Variants in FAF1 observed in about 807,000 individuals in gnomAD.
The protein encoded by FAF1 is FAS-associated factor 1.
A neutral mutation model predicts 92.5 loss-of-function variants in FAF1; 25 were observed. The observed-to-expected ratio is 0.27, with a 90% confidence interval of 0.20 to 0.38. FAF1 has a LOEUF of 0.38. Ranked by LOEUF, FAF1 falls within the 10% of genes least tolerant of loss-of-function variation. The pLI is 1.00. For synonymous variants in FAF1, 234 were observed against 273.2 expected, an observed-to-expected ratio of 0.86 and a Z score of 1.42; for missense variants, 636 against 793.3, an observed-to-expected ratio of 0.80 and a Z score of 2.38.
intron 2 of FAF1, among the ~76,000 whole-genome samples, chr1:50,811,113 T>C (rs769264090): frequency 3.2e-4 from 49 of 152,056 alleles, no homozygotes; most frequent in African/African-American, 1.0e-3. Context: ...GGCAAGAGGA[T>C]TGCTTGAGCT....
chr1:50,447,059 A>C (rs1646235411), intron 18 of FAF1, among the ~76,000 whole-genome samples: 1 of 150,224 alleles, frequency 6.7e-6, no homozygotes. Flanking sequence ...TACAGGCTTT[A>C]GGTTCAATAT....
chr1:50,659,505 T>A (rs1034289671), intron 7 of FAF1, among the ~76,000 whole-genome samples: 3 of 152,174 alleles, frequency 2.0e-5, no homozygotes, highest in Admixed American at 6.5e-5. Flanking sequence ...TGACGGAGTT[T>A]CATCTTTAGA....
In FAF1 at chr1:50,738,439, G is replaced by A. The variant is rs905960576; in HGVS notation, c.551+424C>T. 7.1e-5 allele frequency among the ~76,000 whole-genome samples: 8 copies of A among 111,894 alleles called. No individual in the cohort carries two copies. The South Asian group carries it at 8.3e-4, about 12-fold the overall frequency. 73.4% of individuals were successfully genotyped at this position (111,894 alleles called of 152,430 possible). ...GTCTGGGCAACAAGAGTGAAACTCCGTCGCAAAAAAAAAAAAAAAAAAAAA... is the reference window on the plus strand; with the variant it reads ...GTCTGGGCAACAAGAGTGAAACTCCATCGCAAAAAAAAAAAAAAAAAAAAA... On this transcript the variant is annotated intron_variant, in intron 6 of 18. Coordinates refer to ENST00000396153, the MANE Select transcript of FAF1 (RefSeq NM_007051.3).
chr1:50,903,984 G>T (rs1364532696), intron 1 of FAF1, among the ~76,000 whole-genome samples: 2 of 152,074 alleles, frequency 1.3e-5, no homozygotes, highest in Non-Finnish European at 2.9e-5. Context: ...ATTAAATTTA[G>T]AATTAACATA....
At chr1:50,578,243 T>C (rs1650842793) in intron 12 of FAF1, among the ~76,000 whole-genome samples, 1 of 152,192 alleles carries the variant, frequency 6.6e-6, no homozygotes, top group African/African-American at 2.4e-5. Flanking sequence ...TCTGTTGCCC[T>C]GGTAAAATTA....
chr1:50,662,129 T>C (rs1051134094), intron 7 of FAF1, among the ~76,000 whole-genome samples: 2 of 152,202 alleles, frequency 1.3e-5, no homozygotes, highest in African/African-American at 4.8e-5. Context: ...TTCTTCTCAT[T>C]AACCATTAAA....
At position 50,438,022 on chromosome 1, in the gene FAF1, CAAAAAAAAAA is replaced by C. The variant is rs869236089; in HGVS notation, c.*3408_*3417del. The C allele has an allele frequency of 9.5e-5, 4 of 42,190 alleles. No homozygotes were observed. Among genetic ancestry groups the C allele is most frequent in the East Asian group, 1.0e-3 (1 of 988 alleles). 2.6% of individuals were successfully genotyped at this position (42,190 alleles called of 1,614,324 possible). A position where few individuals can be genotyped will look rare whatever the true frequency, so the allele number is the denominator to read the frequency against. On this transcript the variant is annotated 3_prime_UTR_variant, in exon 19 of 19. Coordinates refer to ENST00000396153, the MANE Select transcript of FAF1 (RefSeq NM_007051.3). ...TGAGCGACAGAGCGAGACTCTGTCTCAAAAAAAAAAAAAAAAAAAAAAAAAAATTAGAGAT... is the reference window on the plus strand; with the variant it reads ...TGAGCGACAGAGCGAGACTCTGTCTCAAAAAAAAAAAAAAAAATTAGAGAT...
At chr1:50,559,854 G>A (rs1649788267) in intron 13 of FAF1, among the ~76,000 whole-genome samples, 1 of 152,184 alleles carries the variant, frequency 6.6e-6, no homozygotes, top group Non-Finnish European at 1.5e-5. Flanking sequence ...GACCTGGGAT[G>A]TTTAGGATGG....
chr1:50,774,549 G>C (rs951148460), intron 4 of FAF1, among the ~76,000 whole-genome samples: 1 of 152,090 alleles, frequency 6.6e-6, no homozygotes, highest in Non-Finnish European at 1.5e-5. Context: ...TATAGTAAAA[G>C]TAGCTTTAAG....
intron 2 of FAF1, among the ~76,000 whole-genome samples, chr1:50,815,753 G>A (rs1643965206): frequency 6.6e-6 from 1 of 152,168 alleles, no homozygotes; most frequent in Non-Finnish European, 1.5e-5. Context: ...GCTGGGCACG[G>A]TGGCTCATGC....
intron 7 of FAF1, among the ~76,000 whole-genome samples, chr1:50,661,329 T>G (rs1655366460): frequency 6.6e-6 from 1 of 152,178 alleles, no homozygotes; most frequent in South Asian, 2.1e-4. Context: ...TCAAGTTTTA[T>G]TAATTTATCT....
Position 50,583,686 on chromosome 1 carries a change from C to T in FAF1, c.997G>A (p.Ala333Thr), listed in dbSNP as rs772628204. ...AACTCTGCTGTAAATTGTAATAAGGCATCTCCTTCATTTTCTGCGTTTTCT... is the reference window on the plus strand; with the variant it reads ...AACTCTGCTGTAAATTGTAATAAGGTATCTCCTTCATTTTCTGCGTTTTCT... ...MPENAENEGD[A>T]LLQFTAEFSS... The change falls in exon 11 of 19, where the codon GCC (alanine) becomes ACC (threonine). Residue 333 changes from alanine to threonine, a missense_variant. Physicochemically the swap from Ala to Thr is moderately conservative, Grantham distance 58 (BLOSUM62 0). Around this residue, in one of 2 missense-constraint regions of FAF1, gnomAD observed 319 missense variants for 451.0 expected, o/e 0.71. Transcript: ENST00000396153. This position sits in a 1 kb window ranked among gnomAD's most constrained non-coding sequence, Gnocchi z 4.2. 6.3e-6 allele frequency: 10 copies of T among 1,577,366 alleles called. No homozygotes were observed. In the Admixed American group the frequency reaches 6.9e-5, roughly 11 times the overall value.
At chr1:50,922,128 T>C (rs1181016774) in intron 1 of FAF1, among the ~76,000 whole-genome samples, 1 of 146,442 alleles carries the variant, frequency 6.8e-6, no homozygotes, top group African/African-American at 2.6e-5. Context: ...GATCACATCA[T>C]TGCACTCCAA....
intron 2 of FAF1, among the ~76,000 whole-genome samples, chr1:50,815,006 T>C (rs769319152): frequency 6.6e-6 from 1 of 152,208 alleles, no homozygotes; most frequent in Non-Finnish European, 1.5e-5. Flanking sequence ...TATCATATGG[T>C]GCAGCAATTC....
At chr1:50,909,448 T>C (rs1018345852) in intron 1 of FAF1, among the ~76,000 whole-genome samples, 4 of 152,242 alleles carry the variant, frequency 2.6e-5, no homozygotes, top group Non-Finnish European at 4.4e-5. Flanking sequence ...GAAGTTCTCC[T>C]GGGTAATATC....
chr1:50,691,471 A>C, intron 7 of FAF1, among the ~76,000 whole-genome samples: 1 of 152,074 alleles, frequency 6.6e-6, no homozygotes, highest in Non-Finnish European at 1.5e-5. Context: ...CAAACTCCTG[A>C]CCTCAAGTAA....
intron 2 of FAF1, among the ~76,000 whole-genome samples, chr1:50,831,207 T>C (rs1474857286): frequency 1.3e-5 from 2 of 152,176 alleles, no homozygotes; most frequent in African/African-American, 2.4e-5. Context: ...CAGTAATAGA[T>C]CTTTAATGCA....
intron 2 of FAF1, among the ~76,000 whole-genome samples, chr1:50,832,000 T>C (rs1016435861): frequency 6.6e-6 from 1 of 151,868 alleles, no homozygotes; most frequent in African/African-American, 2.4e-5. Flanking sequence ...GTGCTCCTTA[T>C]GAGAATCTAA....
intron 4 of FAF1, among the ~76,000 whole-genome samples, chr1:50,782,176 T>C (rs975510840): frequency 5.3e-5 from 8 of 152,230 alleles, no homozygotes; most frequent in Non-Finnish European, 1.0e-4. Flanking sequence ...GTATACACTT[T>C]CTTTTTGTTT....
Sources: allele counts gnomAD v4.1 joint callset (sites outside exome capture counted in the v4.1 genomes callset), GRCh38; gene constraint gnomAD v4.1.1; regional missense constraint gnomAD v4.1.1; non-coding constraint Gnocchi (gnomAD v3.1); transcripts MANE v1.5; gene names NCBI Gene and HGNC (gene_info 2026-07-23, HGNC 2026-07-21).